KIAA0825: variants seen among roughly 807,000 people sequenced by gnomAD.
The protein encoded by KIAA0825 is uncharacterized protein KIAA0825.
Under a neutral mutation model 147.6 loss-of-function variants are expected in KIAA0825, and 119 were observed. That is an observed-to-expected ratio of 0.81 (90% CI 0.69 to 0.94). The LOEUF (loss-of-function observed/expected upper bound fraction) is 0.94. KIAA0825 is among the 40% of genes least tolerant of loss of function. The probability of loss-of-function intolerance (pLI) is 0.00; values close to 1 mark genes in which losing one functional copy is unlikely to be tolerated. For synonymous variants in KIAA0825, 470 were observed against 518.1 expected (o/e 0.91, Z 1.26); for missense variants, 1,381 against 1,472.7 (o/e 0.94, Z 1.02).
intron 20 of KIAA0825, among the ~76,000 whole-genome samples, chr5:94,226,990 G>A (rs991732646): frequency 4.6e-5 from 7 of 151,478 alleles, no homozygotes; most frequent in African/African-American, 1.7e-4. Context: ...TCAGTGTGGC[G>A]ATTCCTCAGG....
At chr5:94,432,298 T>C (rs991338395) in intron 14 of KIAA0825, among the ~76,000 whole-genome samples, 4 of 152,152 alleles carry the variant, frequency 2.6e-5, no homozygotes, top group African/African-American at 9.7e-5. Flanking sequence ...ACCCATGACC[T>C]ACTGAATCAG....
chr5:94,528,771 A>C (rs1215454331), intron 3 of KIAA0825, among the ~76,000 whole-genome samples: 1 of 151,096 alleles, frequency 6.6e-6, no homozygotes, highest in African/African-American at 2.4e-5. Flanking sequence ...TACAATCAAG[A>C]ATAAGTAAAT....
chr5:94,400,520 C>T (rs1244870779), intron 16 of KIAA0825, among the ~76,000 whole-genome samples: 2 of 152,090 alleles, frequency 1.3e-5, no homozygotes, highest in African/African-American at 4.8e-5. Context: ...CTTGCTATTT[C>T]TGTTTCCTCT....
intron 20 of KIAA0825, among the ~76,000 whole-genome samples, chr5:94,377,754 A>G (rs1353217909): frequency 1.3e-5 from 2 of 152,210 alleles, no homozygotes; most frequent in Admixed American, 6.5e-5. Flanking sequence ...AAACACATAT[A>G]TCATTAGTAT....
chr5:94,235,348 C>A (rs1448216439), intron 20 of KIAA0825, among the ~76,000 whole-genome samples: 1 of 152,226 alleles, frequency 6.6e-6, no homozygotes, highest in Non-Finnish European at 1.5e-5. Flanking sequence ...GATCAAACCA[C>A]CACCAACATT....
At chr5:94,574,063 C>G (rs1780492036) in intron 2 of KIAA0825, among the ~76,000 whole-genome samples, 1 of 152,046 alleles carries the variant, frequency 6.6e-6, no homozygotes, top group African/African-American at 2.4e-5. Context: ...GCAGGGAGCT[C>G]CCTATGGGCA....
chr5:94,206,167 A>G (rs1018225567), intron 20 of KIAA0825, among the ~76,000 whole-genome samples: 1 of 152,078 alleles, frequency 6.6e-6, no homozygotes, highest in Non-Finnish European at 1.5e-5. Context: ...TTTGTTTTGA[A>G]GAGCATATAT....
intron 20 of KIAA0825, among the ~76,000 whole-genome samples, chr5:94,176,576 T>G (rs1583755460): frequency 6.6e-6 from 1 of 152,032 alleles, no homozygotes; most frequent in East Asian, 1.9e-4. Flanking sequence ...CTCTTTTCAT[T>G]TATAAGCACT....
chr5:94,429,757 G>C (rs1184968931), intron 14 of KIAA0825, among the ~76,000 whole-genome samples: 1 of 152,166 alleles, frequency 6.6e-6, no homozygotes, highest in Non-Finnish European at 1.5e-5. Context: ...CAGTGCCAAG[G>C]GAAAATCCAA....
chr5:94,488,952 C>G (rs1242636696), intron 5 of KIAA0825, among the ~76,000 whole-genome samples: 1 of 152,226 alleles, frequency 6.6e-6, no homozygotes, highest in Non-Finnish European at 1.5e-5. Context: ...CTACTCACTT[C>G]TGAGATATTC....
At chr5:94,425,129 T>C (rs1369929469) in intron 14 of KIAA0825, among the ~76,000 whole-genome samples, 1 of 152,160 alleles carries the variant, frequency 6.6e-6, no homozygotes, top group East Asian at 1.9e-4. Context: ...CTTAACTCAT[T>C]CTATGAGGCC....
rs145012229 is a variant in KIAA0825, at chr5:94,416,891, C to G, written c.2662+310G>C. The G allele has an allele frequency of 2.4e-3, 537 of 223,050 alleles. 1 individual carries two copies. Among genetic ancestry groups the G allele is most frequent in the African/African-American group, 0.011 (502 of 44,438 alleles). The allele number at this position is 223,050 out of a possible 1,614,324, so 13.8% of individuals were successfully genotyped here. On this transcript the variant is annotated intron_variant, in intron 15 of 20. Coordinates refer to ENST00000682413, the MANE Select transcript of KIAA0825 (RefSeq NM_001145678.3). ...TCACATCTTACTAATATCTTATATG[C>G]TCAATAGCAAAACATAATCTGTGAT...
intron 20 of KIAA0825, among the ~76,000 whole-genome samples, chr5:94,229,734 A>T (rs895185624): frequency 6.6e-6 from 1 of 151,168 alleles, no homozygotes; most frequent in Non-Finnish European, 1.5e-5. Flanking sequence ...TTGTTTTCTT[A>T]TAGGTCATTT....
chr5:94,473,448 T>C lies in KIAA0825; in HGVS notation c.1299A>G (p.Val433=). 1 of 1,551,906 alleles carries C rather than the reference T, an allele frequency of 6.4e-7. No homozygotes were observed. The highest frequency in any genetic ancestry group is 8.7e-7 in the Non-Finnish European group (1 of 1,147,026). ...EVSLPMAHCV[V]TAIEGFSTKI... ...TTGTGGAAAAACCTTCAATTGCAGT[T>C]ACTACGCAGTGCGCCATGGGAAGAG... is the stretch of plus-strand genomic sequence containing the variant. The change falls in exon 8 of 21, where the codon GTA becomes GTG. Residue 433 remains valine (V), a synonymous_variant. Transcript: ENST00000682413.
chr5:94,509,262 G>T (rs1161433358), intron 5 of KIAA0825, among the ~76,000 whole-genome samples: 2 of 152,136 alleles, frequency 1.3e-5, no homozygotes, highest in African/African-American at 4.8e-5. Flanking sequence ...CTGATTTCTG[G>T]TTCCCTTTTT....
chr5:94,347,574 C>T (rs1783157088), intron 20 of KIAA0825, among the ~76,000 whole-genome samples: 1 of 152,162 alleles, frequency 6.6e-6, no homozygotes, highest in Non-Finnish European at 1.5e-5. Context: ...GTTTGGCTCA[C>T]AGGAAGCCAC....
intron 1 of KIAA0825, among the ~76,000 whole-genome samples, chr5:94,600,396 T>C (rs960212044): frequency 6.6e-6 from 1 of 151,788 alleles, no homozygotes; most frequent in African/African-American, 2.4e-5. Flanking sequence ...TATATTTATA[T>C]TTCCTTACAT....
At chr5:94,509,742 C>T (rs1047425050) in intron 5 of KIAA0825, among the ~76,000 whole-genome samples, 1 of 152,162 alleles carries the variant, frequency 6.6e-6, no homozygotes, top group Non-Finnish European at 1.5e-5. Flanking sequence ...TTCTACATTA[C>T]ATTTAACTAT....
At chr5:94,521,779 G>A (rs1768258485) in intron 4 of KIAA0825, among the ~76,000 whole-genome samples, 1 of 151,624 alleles carries the variant, frequency 6.6e-6, no homozygotes. Flanking sequence ...TCCTAATTAT[G>A]TCTATTTTAG....
Sources: allele counts gnomAD v4.1 joint callset (sites outside exome capture counted in the v4.1 genomes callset), GRCh38; gene constraint gnomAD v4.1.1; transcripts MANE v1.5; gene names NCBI Gene and HGNC (gene_info 2026-07-23, HGNC 2026-07-21).